The following SURF4 variants were observed in gnomAD, a reference collection of about 807,000 sequenced individuals.
The protein encoded by SURF4 is surfeit locus protein 4.
SURF4 carries 3 observed loss-of-function variants against 30.0 expected under a neutral mutation model. The observed-to-expected ratio is 0.10, with a 90% confidence interval of 0.05 to 0.26. The LOEUF (loss-of-function observed/expected upper bound fraction) is 0.26. Among genes scored for constraint, SURF4 ranks in the 10% least tolerant of loss-of-function variants. The pLI, the probability that SURF4 is intolerant of heterozygous loss-of-function variation, is 1.00. For missense variants in SURF4, 217 were observed against 350.8 expected, an observed-to-expected ratio of 0.62 and a Z score of 3.05; for synonymous variants, 143 against 139.9, an observed-to-expected ratio of 1.02 and a Z score of -0.16.
Position 133,363,360 on chromosome 9 carries a change from C to T in SURF4, c.*133G>A. 1.2e-5 allele frequency: 17 copies of T among 1,433,984 alleles called. No homozygotes were observed. Among genetic ancestry groups the T allele is most frequent in the Non-Finnish European group, 1.5e-5 (16 of 1,034,528 alleles). 88.8% of individuals were successfully genotyped at this position (1,433,984 alleles called of 1,614,324 possible). ...CAGGTGTCTCTGCAAATAAAGTTCT[C>T]AAAACATCTGTGCCTTTACCAAGGG... On this transcript the variant is annotated 3_prime_UTR_variant, in exon 6 of 6. Transcript: ENST00000371989. The surrounding 1 kb of genome is among the most constrained non-coding windows in gnomAD (Gnocchi z 4.3).
chr9:133,364,405 G>C (rs2130101932), intron 5 of SURF4, among the ~76,000 whole-genome samples: 3 of 152,136 alleles, frequency 2.0e-5, no homozygotes, highest in Admixed American at 2.0e-4. Context: ...CAAAAAGTTT[G>C]CTCCGCCGAG....
chr9:133,374,645 C>T (rs1837750282), intron 1 of SURF4, among the ~76,000 whole-genome samples: 1 of 152,104 alleles, frequency 6.6e-6, no homozygotes, highest in African/African-American at 2.4e-5. Flanking sequence ...GGAAAAAATG[C>T]TTCGTCAAGT....
chr9:133,375,431 T>A, intron 1 of SURF4: 1 of 986,048 alleles, frequency 1.0e-6, no homozygotes, highest in Non-Finnish European at 1.2e-6. Flanking sequence ...TTCCTGTAGC[T>A]GGGGCGCACG....
intron 3 of SURF4, 69 bp from the exon 4 acceptor site, chr9:133,366,097 T>C (rs1244713369): frequency 1.4e-6 from 2 of 1,476,920 alleles, no homozygotes; most frequent in East Asian, 2.3e-5. Context: ...GACTTCATAA[T>C]ACATTAGGCC....
At position 133,366,684 on chromosome 9, in the gene SURF4, A is replaced by T; in HGVS notation, c.236-9T>A. ...CACCAGGACGCAGCCAGCTGGAGAGAAGGACAAGGGTTAGGGGGCCTGAGG... is the reference window on the plus strand; with the variant it reads ...CACCAGGACGCAGCCAGCTGGAGAGTAGGACAAGGGTTAGGGGGCCTGAGG... On this transcript the variant is annotated splice_polypyrimidine_tract_variant and intron_variant, in intron 2 of 5. Transcript: ENST00000371989. 1 of 1,612,998 alleles carries T rather than the reference A, an allele frequency of 6.2e-7. No individual in the cohort carries two copies. The highest frequency in any genetic ancestry group is 8.5e-7 in the Non-Finnish European group (1 of 1,179,916).
intron 4 of SURF4, 101 bp downstream of exon 4, chr9:133,365,884 G>A (rs1451362009): frequency 4.8e-6 from 6 of 1,247,044 alleles, no homozygotes; most frequent in Non-Finnish European, 7.0e-6. Context: ...CGTCATGTTG[G>A]TGCCCAAGAT....
At position 133,367,332 on chromosome 9, in the gene SURF4, G is replaced by A. The variant is rs2130140104; in HGVS notation, c.162C>T (p.Tyr54=). Residue 54 remains tyrosine (Y), a synonymous_variant, in exon 2 of 6, where the codon TAC becomes TAT. Transcript: ENST00000371989. ...AGCCGCAGTTCCAGGTGGTGTCGATGTAGTCGCGCTGCTCGCTCCACTGGA... is the reference window on the plus strand; with the variant it reads ...AGCCGCAGTTCCAGGTGGTGTCGATATAGTCGCGCTGCTCGCTCCACTGGA... The part of the protein sequence containing the change: ...MWFQWSEQRD[Y]IDTTWNCGYL... The A allele has an allele frequency of 9.3e-6, 15 of 1,614,276 alleles. No homozygotes were observed. The East Asian group carries it at 3.1e-4, about 34-fold the overall frequency.
rs2130125795 is a variant in SURF4, at chr9:133,366,413, C to T, written c.312+186G>A. ...AATGGGACAAAAGATGGCCCAGTACCGAATGACCTGCCTCTACAGCCCTGC... is the reference window on the plus strand; with the variant it reads ...AATGGGACAAAAGATGGCCCAGTACTGAATGACCTGCCTCTACAGCCCTGC... On this transcript the variant is annotated intron_variant, in intron 3 of 5. Transcript: ENST00000371989. Among the ~76,000 whole-genome samples the T allele has an allele frequency of 1.4e-4, 21 of 152,262 alleles. No homozygotes were observed. In the South Asian group the frequency reaches 1.9e-3, roughly 14 times the overall value.
At chr9:133,367,506 C>G in intron 1 of SURF4, 61 bp from the exon 2 acceptor site, 1 of 1,602,854 alleles carries the variant, frequency 6.2e-7, no homozygotes, top group Non-Finnish European at 8.5e-7. Flanking sequence ...AGGCCGCTGC[C>G]AGGCACGTCC....
chr9:133,367,081 G>A (rs1051933702), intron 2 of SURF4, among the ~76,000 whole-genome samples, 178 bp downstream of exon 2: 1 of 152,174 alleles, frequency 6.6e-6, no homozygotes. Flanking sequence ...GAGACTAAGC[G>A]TCCCCACCAA....
chr9:133,368,480 A>G (rs969624300), intron 1 of SURF4, among the ~76,000 whole-genome samples: 1 of 152,268 alleles, frequency 6.6e-6, no homozygotes, highest in African/African-American at 2.4e-5. Context: ...CCGTCAGCGC[A>G]GCATGAAGCT....
chr9:133,375,515 G>T, intron 1 of SURF4: 1 of 721,274 alleles, frequency 1.4e-6, no homozygotes, highest in Non-Finnish European at 1.7e-6. Context: ...GCCTCCGGGA[G>T]CCCCAGTGAG....
At chr9:133,373,020 A>G in intron 1 of SURF4, among the ~76,000 whole-genome samples, 1 of 152,056 alleles carries the variant, frequency 6.6e-6, no homozygotes, top group Middle Eastern at 3.2e-3. Context: ...GCTGCCTTAC[A>G]GATATGGTGC....
At chr9:133,364,245 AAAG>A (rs1837021326) in intron 5 of SURF4, among the ~76,000 whole-genome samples, 1 of 152,190 alleles carries the variant, frequency 6.6e-6, no homozygotes, top group South Asian at 2.1e-4. Context: ...GTGAGGAAAG[AAAG>A]AAGAGTAAGG....
intron 2 of SURF4, among the ~76,000 whole-genome samples, chr9:133,366,889 G>A (rs2130134172): frequency 3.9e-5 from 6 of 152,174 alleles, no homozygotes. Context: ...TGGAGCCCTT[G>A]CCGTCATAAA....
intron 1 of SURF4, chr9:133,370,876 C>G (rs2130183618): frequency 1.9e-5 from 24 of 1,289,636 alleles, no homozygotes; most frequent in Admixed American, 2.3e-5. Flanking sequence ...GTTAGCTCAC[C>G]TCTGTGGCCA....
At chr9:133,367,820 C>T (rs2130150560) in intron 1 of SURF4, among the ~76,000 whole-genome samples, 2 of 152,236 alleles carry the variant, frequency 1.3e-5, no homozygotes, top group Non-Finnish European at 2.9e-5. Context: ...CTGCTCTTTT[C>T]GGTCAAAGGC....
Position 133,363,950 on chromosome 9 carries a change from T to G in SURF4, c.544-191A>C. 1 of 754,558 alleles carries G rather than the reference T, an allele frequency of 1.3e-6. No homozygotes were observed. The highest frequency in any genetic ancestry group is 2.4e-6 in the Non-Finnish European group (1 of 420,292). 46.7% of individuals were successfully genotyped at this position (754,558 alleles called of 1,614,324 possible). The stretch of plus-strand genomic sequence containing the variant: ...AGGCAGGAGGCAATAAAGCACCAGC[T>G]TTGAAATGTGGAAGGTTTGGGGAAG... On this transcript the variant is annotated intron_variant, in intron 5 of 5. Transcript: ENST00000371989. This position sits in a 1 kb window ranked among gnomAD's most constrained non-coding sequence, Gnocchi z 4.3.
Position 133,366,045 on chromosome 9 carries a change from G to C in SURF4, c.313-17C>G. 1 of 1,613,694 alleles carries C rather than the reference G, an allele frequency of 6.2e-7. No homozygotes were observed. The highest frequency in any genetic ancestry group is 8.5e-7 in the Non-Finnish European group (1 of 1,179,692). ...GGCAATCGTCTGAGGGGAAAGAAGA[G>C]AGAGATACTTGAGTCTCAGCCTTTC... On this transcript the variant is annotated splice_polypyrimidine_tract_variant and intron_variant, in intron 3 of 5. Transcript: ENST00000371989.
Sources: gnomAD v4.1 joint callset for allele counts (sites outside exome capture counted in the v4.1 genomes callset) on GRCh38, gnomAD v4.1.1 for gene constraint, Gnocchi (gnomAD v3.1) non-coding constraint, MANE v1.5 for transcripts, NCBI Gene and HGNC (gene_info 2026-07-23, HGNC 2026-07-21) for gene names.